The following CFAP46 variants were observed in gnomAD, a reference collection of about 807,000 sequenced individuals.
The protein encoded by CFAP46 is cilia and flagella associated protein 46.
Under a neutral mutation model 325.7 loss-of-function variants are expected in CFAP46, and 245 were observed. The observed-to-expected ratio is 0.75, with a 90% confidence interval of 0.68 to 0.84. CFAP46 has a LOEUF of 0.84. Ranked by LOEUF, CFAP46 falls within the 40% of genes least tolerant of loss-of-function variation. CFAP46 has a pLI of 0.00. For missense variants in CFAP46, 3,346 were observed against 3,543.0 expected (o/e 0.94, Z 1.41); for synonymous variants, 1,523 against 1,495.9 (o/e 1.02, Z -0.42).
chr10:132,941,544 G>A, intron 3 of CFAP46, 47 bp downstream of exon 3: 1 of 1,586,832 alleles, frequency 6.3e-7, no homozygotes, highest in Non-Finnish European at 8.6e-7. Flanking sequence ...CTGGAGATGG[G>A]GTGAAAATTG....
intron 22 of CFAP46, among the ~76,000 whole-genome samples, chr10:132,905,450 CTTTTTTT>C (rs71013581): frequency 3.1e-5 from 4 of 130,088 alleles, no homozygotes; most frequent in Non-Finnish European, 6.5e-5. Flanking sequence ...CATATCTTTC[CTTTTTTT>C]TTTTTTTTTT....
chr10:132,878,972 T>G (rs1591067947), intron 29 of CFAP46, among the ~76,000 whole-genome samples: 1 of 150,694 alleles, frequency 6.6e-6, no homozygotes, highest in African/African-American at 2.4e-5. Context: ...GGGGTGGGAG[T>G]GGGAAGAAGG....
In CFAP46 at chr10:132,814,722, G is replaced by C. The variant is rs533714351; in HGVS notation, c.7213C>G (p.Pro2405Ala). ...RKGSIPRTIPPDCIIVDSDNF... is the reference protein window; with the variant it reads ...RKGSIPRTIPADCIIVDSDNF... ...TCTGAGTCGACTATGATGCAGTCAG[G>C]GGGGATGGTCCGGGGGATGCTGCCC... Residue 2405 changes from proline (P) to alanine (A), a missense_variant, in exon 52 of 58, where the codon CCT becomes GCT. Transcript: ENST00000368586. 36 of 1,613,204 alleles carry C rather than the reference G, an allele frequency of 2.2e-5. No individual in the cohort carries two copies. The highest frequency in any genetic ancestry group is 1.4e-4 in the South Asian group (13 of 91,050).
chr10:132,846,311 G>A, intron 43 of CFAP46, 84 bp from the exon 44 acceptor site: 1 of 1,474,124 alleles, frequency 6.8e-7, no homozygotes. Flanking sequence ...CGCAGCAGCT[G>A]CAGCCTGGGA....
chr10:132,854,475 T>A (rs987437794), intron 39 of CFAP46, among the ~76,000 whole-genome samples: 3 of 152,038 alleles, frequency 2.0e-5, no homozygotes, highest in African/African-American at 4.8e-5. Context: ...GTAGCTGGGA[T>A]TACAGGCGCC....
rs568175209 is a variant in CFAP46 at position 132,903,777 on chromosome 10, T to C, written c.2925-4111A>G. On this transcript the variant is annotated intron_variant, in intron 22 of 57. Transcript: ENST00000368586. Reference sequence around the variant, plus strand: ...TATTACACATAATAAATATATGATATGTGAATATATATAAAATCACTGTTG... The same window carrying C: ...TATTACACATAATAAATATATGATACGTGAATATATATAAAATCACTGTTG... 2.5e-3 allele frequency among the ~76,000 whole-genome samples: 383 copies of C among 152,316 alleles called. 2 individuals carry two copies. Among genetic ancestry groups the C allele is most frequent in the African/African-American group, 8.9e-3 (369 of 41,576 alleles).
intron 31 of CFAP46, among the ~76,000 whole-genome samples, chr10:132,874,780 AT>A (rs1357479415): frequency 6.6e-6 from 1 of 152,130 alleles, no homozygotes; most frequent in Non-Finnish European, 1.5e-5. Flanking sequence ...ATCAATAAAG[AT>A]CGATAAAAAC....
intron 27 of CFAP46, among the ~76,000 whole-genome samples, chr10:132,881,797 G>A (rs539068430): frequency 1.7e-4 from 25 of 151,348 alleles, no homozygotes; most frequent in South Asian, 1.0e-3. Flanking sequence ...CACAGATGTC[G>A]CCGCCACTTC....
intron 22 of CFAP46, among the ~76,000 whole-genome samples, 159 bp from the exon 23 acceptor site, chr10:132,899,825 G>A (rs558436969): frequency 2.0e-5 from 3 of 152,314 alleles, no homozygotes; most frequent in East Asian, 1.9e-4. Context: ...CGCCCTCCCC[G>A]AATCTGAGTC....
chr10:132,924,197 T>A (rs1351280602), intron 11 of CFAP46, among the ~76,000 whole-genome samples: 1 of 151,410 alleles, frequency 6.6e-6, no homozygotes, highest in Non-Finnish European at 1.5e-5. Flanking sequence ...TCCACCCTGA[T>A]GCCTGCCGCC....
At chr10:132,835,535 A>T (rs925100305) in intron 46 of CFAP46, 101 bp from the exon 47 acceptor site, 2 of 1,458,120 alleles carry the variant, frequency 1.4e-6, no homozygotes, top group Non-Finnish European at 1.9e-6. Flanking sequence ...GTCCCACAGG[A>T]AAGGCTGCAT....
Position 132,833,510 on chromosome 10 carries a change from T to G in CFAP46, c.6965A>C (p.Glu2322Ala). ...GACCAGGACTATCTTATCGGCAACC[T>G]CAGGCTGGACTGTGCCTGGGAAACA... Reference protein sequence around the residue: ...STGQHSTVQPEVADKIVLVAD... With the variant: ...STGQHSTVQPAVADKIVLVAD... Residue 2322 changes from glutamate to alanine, a missense_variant, in exon 50 of 58, where the codon GAG (glutamate) becomes GCG (alanine). Glu to Ala is a moderately radical substitution (Grantham distance 107, BLOSUM62 -1). Coordinates refer to ENST00000368586, the MANE Select transcript of CFAP46 (RefSeq NM_001200049.3). 5 of 1,613,790 alleles carry G rather than the reference T, an allele frequency of 3.1e-6. No homozygotes were observed. The highest frequency in any genetic ancestry group is 4.2e-6 in the Non-Finnish European group (5 of 1,179,814).
intron 37 of CFAP46, 123 bp from the exon 38 acceptor site, chr10:132,859,370 G>A: frequency 1.3e-6 from 1 of 791,742 alleles, no homozygotes; most frequent in Non-Finnish European, 1.9e-6. Context: ...CGCTTTCGGA[G>A]CATTTCTCGA....
chr10:132,831,103 ATTAAG>A (rs1287160706), intron 50 of CFAP46, among the ~76,000 whole-genome samples: 1 of 152,004 alleles, frequency 6.6e-6, no homozygotes, highest in Non-Finnish European at 1.5e-5. Flanking sequence ...GGTTTCTGTT[ATTAAG>A]TTCTTATTTA....
Position 132,885,825 on chromosome 10 carries a change from G to T in CFAP46, c.3439C>A (p.Arg1147Ser). 1.3e-6 allele frequency: 2 copies of T among 1,529,822 alleles called. No homozygotes were observed. Among genetic ancestry groups the T allele is most frequent in the Non-Finnish European group, 1.8e-6 (2 of 1,135,568 alleles). 94.8% of individuals were successfully genotyped at this position (1,529,822 alleles called of 1,614,324 possible). A position where few individuals can be genotyped will look rare whatever the true frequency, so the allele number is the denominator to read the frequency against. Reference sequence around the variant, plus strand: ...GGCGGTGGGGGGAGCACTCACAGGCGGTGGGCCGTCCTTGGCAGCACCTGC... The same window carrying T: ...GGCGGTGGGGGGAGCACTCACAGGCTGTGGGCCGTCCTTGGCAGCACCTGC... ...AVQVLPRTAHRLLIFKHMVIV... is the reference protein window; with the variant it reads ...AVQVLPRTAHSLLIFKHMVIV... The change falls in exon 26 of 58, where the codon CGC (arginine) becomes AGC (serine). Residue 1147 changes from arginine to serine, a missense_variant. Physicochemically the swap from Arg to Ser is moderately radical, Grantham distance 110 (BLOSUM62 -1). Coordinates refer to ENST00000368586, the MANE Select transcript of CFAP46 (RefSeq NM_001200049.3).
chr10:132,858,851 C>T (rs941287487), intron 38 of CFAP46, among the ~76,000 whole-genome samples: 7 of 152,122 alleles, frequency 4.6e-5, no homozygotes, highest in African/African-American at 1.2e-4. Context: ...CAGAAGGAGG[C>T]CCTGTCAGGG....
intron 9 of CFAP46, among the ~76,000 whole-genome samples, chr10:132,927,407 G>A (rs1032296986): frequency 8.3e-5 from 12 of 144,788 alleles, no homozygotes; most frequent in Non-Finnish European, 1.5e-4. Context: ...AGACGCCTCC[G>A]TCCCGGGGAG....
At chr10:132,845,099 C>T (rs527531834) in intron 44 of CFAP46, among the ~76,000 whole-genome samples, 1 of 152,318 alleles carries the variant, frequency 6.6e-6, no homozygotes, top group African/African-American at 2.4e-5. Context: ...TTAATTCCCG[C>T]TTGCCATGCA....
intron 35 of CFAP46, among the ~76,000 whole-genome samples, chr10:132,863,040 C>T (rs773685407): frequency 2.6e-5 from 4 of 152,116 alleles, no homozygotes; most frequent in Non-Finnish European, 5.9e-5. Flanking sequence ...TGCAAAACAG[C>T]GGCTGCAGGA....
Sources: gnomAD v4.1 joint callset for allele counts (sites outside exome capture counted in the v4.1 genomes callset) on GRCh38, gnomAD v4.1.1 for gene constraint, MANE v1.5 for transcripts, NCBI Gene and HGNC (gene_info 2026-07-23, HGNC 2026-07-21) for gene names.